Variants in FRMD5 observed in about 807,000 individuals in gnomAD.
The protein encoded by FRMD5 is FERM domain containing 5, also known as FERM domain-containing protein 5.
FRMD5 carries 20 observed loss-of-function variants against 69.0 expected under a neutral mutation model. The ratio of observed to expected loss-of-function variants is 0.29; its 90% CI spans 0.20 to 0.42. FRMD5 has a LOEUF of 0.42. Among genes scored for constraint, FRMD5 ranks in the 10% least tolerant of loss-of-function variants. The pLI, the probability that FRMD5 is intolerant of heterozygous loss-of-function variation, is 1.00. For missense variants in FRMD5, 595 were observed against 708.6 expected (o/e 0.84, Z 1.82); for synonymous variants, 271 against 260.1 (o/e 1.04, Z -0.40).
chr15:44,150,804 T>C (rs2077432391), intron 1 of FRMD5, among the ~76,000 whole-genome samples: 1 of 151,116 alleles, frequency 6.6e-6, no homozygotes, highest in Non-Finnish European at 1.5e-5. Flanking sequence ...AATAAATAAA[T>C]AAAGAGGCTG....
intron 1 of FRMD5, among the ~76,000 whole-genome samples, chr15:43,933,082 G>A (rs2089702608): frequency 6.6e-6 from 1 of 152,168 alleles, no homozygotes; most frequent in African/African-American, 2.4e-5. Context: ...AACCTCACTG[G>A]AACAACAATA....
At chr15:44,059,513 T>C (rs1257539735) in intron 1 of FRMD5, among the ~76,000 whole-genome samples, 2 of 152,156 alleles carry the variant, frequency 1.3e-5, no homozygotes, top group Admixed American at 6.5e-5. Context: ...GTCACTATAT[T>C]TCTTTCTTTC....
intron 4 of FRMD5, among the ~76,000 whole-genome samples, chr15:43,918,699 G>T (rs1006985040): frequency 6.6e-6 from 1 of 152,142 alleles, no homozygotes; most frequent in East Asian, 1.9e-4. Flanking sequence ...TAACATCAAG[G>T]TTTTGCTTAT....
intron 1 of FRMD5, among the ~76,000 whole-genome samples, chr15:44,104,449 AT>A (rs1362798528): frequency 2.0e-5 from 3 of 152,222 alleles, no homozygotes; most frequent in African/African-American, 7.2e-5. Context: ...AGACCTTCAT[AT>A]TCATTCACCA....
intron 1 of FRMD5, among the ~76,000 whole-genome samples, chr15:44,094,238 T>C (rs549165971): frequency 6.6e-6 from 1 of 152,298 alleles, no homozygotes; most frequent in South Asian, 2.1e-4. Context: ...AGAAATCTTG[T>C]CTGTATATAG....
chr15:44,051,651 T>C (rs1411317071), intron 1 of FRMD5, among the ~76,000 whole-genome samples: 3 of 152,134 alleles, frequency 2.0e-5, no homozygotes, highest in Admixed American at 2.0e-4. Context: ...TATTCTGTAG[T>C]CATGTCTCCT....
At chr15:43,920,531 C>T (rs778859246) in intron 2 of FRMD5, among the ~76,000 whole-genome samples, 4 of 152,160 alleles carry the variant, frequency 2.6e-5, no homozygotes, top group East Asian at 1.9e-4. Context: ...TGGTACTTAA[C>T]GTCTGGGGGA....
intron 1 of FRMD5, among the ~76,000 whole-genome samples, chr15:44,001,755 T>C (rs1321414614): frequency 1.3e-5 from 2 of 151,952 alleles, no homozygotes; most frequent in Non-Finnish European, 2.9e-5. Flanking sequence ...TACAGGCACA[T>C]GCCACCACGC....
chr15:44,068,558 A>C (rs1893405975), intron 1 of FRMD5, among the ~76,000 whole-genome samples: 1 of 152,212 alleles, frequency 6.6e-6, no homozygotes, highest in Non-Finnish European at 1.5e-5. Flanking sequence ...ATAGAGAAAG[A>C]AAGCAGATTA....
At chr15:43,981,474 G>A (rs148541682) in intron 1 of FRMD5, among the ~76,000 whole-genome samples, 13 of 152,350 alleles carry the variant, frequency 8.5e-5, no homozygotes, top group African/African-American at 2.9e-4. Flanking sequence ...GAGTAGCAGA[G>A]ATGGAAGAGG....
At chr15:43,880,978 G>A (rs1030655574) in intron 13 of FRMD5, among the ~76,000 whole-genome samples, 1 of 152,156 alleles carries the variant, frequency 6.6e-6, no homozygotes, top group African/African-American at 2.4e-5. Context: ...CACAAGGACT[G>A]TTTTCCCCGC....
intron 1 of FRMD5, among the ~76,000 whole-genome samples, chr15:44,037,868 A>C (rs900148081): frequency 2.0e-4 from 31 of 152,182 alleles, no homozygotes; most frequent in Non-Finnish European, 3.2e-4. Context: ...TAGATCCTTG[A>C]GGAATCACCA....
intron 1 of FRMD5, among the ~76,000 whole-genome samples, chr15:44,017,509 T>G (rs750328096): frequency 6.6e-6 from 1 of 152,204 alleles, no homozygotes; most frequent in African/African-American, 2.4e-5. Flanking sequence ...TTAGTCACTA[T>G]GGATTTTAAA....
intron 1 of FRMD5, among the ~76,000 whole-genome samples, chr15:43,937,631 T>G (rs1595536940): frequency 7.7e-6 from 1 of 130,438 alleles, no homozygotes; most frequent in Non-Finnish European, 1.6e-5. Context: ...GGTGACAGAG[T>G]GAGACACTGT....
At chr15:44,105,278 T>C (rs2076700755) in intron 1 of FRMD5, among the ~76,000 whole-genome samples, 1 of 152,120 alleles carries the variant, frequency 6.6e-6, no homozygotes, top group African/African-American at 2.4e-5. Context: ...GGTTTTGCCA[T>C]GTTGCCTAGG....
intron 1 of FRMD5, among the ~76,000 whole-genome samples, chr15:44,012,829 C>A (rs1890783919): frequency 6.9e-6 from 1 of 145,144 alleles, no homozygotes; most frequent in Non-Finnish European, 1.5e-5. Context: ...TGCAATGGCA[C>A]AATCTCGGCT....
At chr15:43,975,014 T>G (rs2090442440) in intron 1 of FRMD5, among the ~76,000 whole-genome samples, 1 of 152,224 alleles carries the variant, frequency 6.6e-6, no homozygotes, top group Non-Finnish European at 1.5e-5. Context: ...GATGCGGAAT[T>G]GTCTCTCTCT....
chr15:44,125,037 G>A (rs537387938), intron 1 of FRMD5, among the ~76,000 whole-genome samples: 4 of 152,122 alleles, frequency 2.6e-5, no homozygotes, highest in South Asian at 4.1e-4. Flanking sequence ...TTATTGTATT[G>A]TAGTCCTTTT....
At chr15:44,165,916 G>A (rs1034102019) in intron 1 of FRMD5, among the ~76,000 whole-genome samples, 19 of 152,186 alleles carry the variant, frequency 1.2e-4, no homozygotes, top group Non-Finnish European at 2.2e-4. Context: ...TAACATACAT[G>A]TTTCAATATG....
Sources: gnomAD v4.1 joint callset for allele counts (sites outside exome capture counted in the v4.1 genomes callset) on GRCh38, gnomAD v4.1.1 for gene constraint, MANE v1.5 for transcripts, NCBI Gene and HGNC (gene_info 2026-07-23, HGNC 2026-07-21) for gene names.